Variants in HTR7 observed in about 807,000 individuals in gnomAD.
HTR7 encodes the protein 5-HT-7.
In HTR7, 16 loss-of-function variants were observed where a neutral mutation model predicts 34.0. The ratio of observed to expected loss-of-function variants is 0.47; its 90% CI spans 0.32 to 0.71. HTR7 has a LOEUF of 0.71. Ranked by LOEUF, HTR7 falls within the 30% of genes least tolerant of loss-of-function variation. The pLI is 0.04. For synonymous variants in HTR7, 265 were observed against 260.2 expected (o/e 1.02, Z -0.18); for missense variants, 504 against 625.5 (o/e 0.81, Z 2.07).
At chr10:90,815,683 C>T (rs578257301) in intron 1 of HTR7, among the ~76,000 whole-genome samples, 4 of 151,860 alleles carry the variant, frequency 2.6e-5, no homozygotes, top group Admixed American at 1.3e-4. Flanking sequence ...CGTTTACCTA[C>T]GTAACAAACC....
At chr10:90,810,444 T>C (rs1006068037) in intron 1 of HTR7, among the ~76,000 whole-genome samples, 28 of 152,268 alleles carry the variant, frequency 1.8e-4, no homozygotes, top group African/African-American at 4.8e-4. Context: ...TTAAAAAGAT[T>C]AAAGCCTGTT....
chr10:90,763,199 A>G (rs1844967455), intron 1 of HTR7, among the ~76,000 whole-genome samples: 1 of 152,140 alleles, frequency 6.6e-6, no homozygotes, highest in African/African-American at 2.4e-5. Context: ...TAGGAGTTGC[A>G]TTGAATTTGT....
At chr10:90,849,125 C>T (rs1846456522) in intron 1 of HTR7, among the ~76,000 whole-genome samples, 1 of 152,220 alleles carries the variant, frequency 6.6e-6, no homozygotes, top group Non-Finnish European at 1.5e-5. Context: ...TTTGTGGATT[C>T]TATAAATATT....
At chr10:90,766,435 CT>C (rs1179304584) in intron 1 of HTR7, among the ~76,000 whole-genome samples, 1 of 152,204 alleles carries the variant, frequency 6.6e-6, no homozygotes, top group Non-Finnish European at 1.5e-5. Context: ...TCAAGTGAGT[CT>C]CTTGTAGGCA....
intron 1 of HTR7, among the ~76,000 whole-genome samples, chr10:90,825,272 C>T (rs568187508): frequency 1.2e-3 from 177 of 152,310 alleles, no homozygotes; most frequent in African/African-American, 3.9e-3. Flanking sequence ...AGTCTGCAGG[C>T]TTATACCTCT....
At chr10:90,747,203 G>A (rs2119668992) in intron 2 of HTR7, among the ~76,000 whole-genome samples, 1 of 152,322 alleles carries the variant, frequency 6.6e-6, no homozygotes, top group African/African-American at 2.4e-5. Flanking sequence ...CATGTAGCGG[G>A]TGTTCAATAA....
rs2153778 is a variant in HTR7, at chr10:90,847,053, T to A, written c.539+10080A>T. ...GTTCCATGTCTCCACTTTTATTATTTTCCTTAGATATATTTACACACATAG... is the reference window on the plus strand; with the variant it reads ...GTTCCATGTCTCCACTTTTATTATTATCCTTAGATATATTTACACACATAG... On this transcript the variant is annotated intron_variant, in intron 1 of 3. Coordinates refer to ENST00000336152, the MANE Select transcript of HTR7 (RefSeq NM_019859.4). Among the ~76,000 whole-genome samples the A allele has an allele frequency of 4.3e-3, 648 of 152,314 alleles. 7 individuals carry two copies. Among genetic ancestry groups the A allele is most frequent in the Admixed American group, 0.032 (488 of 15,306 alleles).
At chr10:90,853,287 CTT>C (rs35477812) in intron 1 of HTR7, among the ~76,000 whole-genome samples, 28 of 110,030 alleles carry the variant, frequency 2.5e-4, no homozygotes, top group Non-Finnish European at 2.8e-4. Flanking sequence ...TTTTTTTTTT[CTT>C]TTTTTTTTTT....
At chr10:90,801,887 G>A (rs1282789653) in intron 1 of HTR7, among the ~76,000 whole-genome samples, 2 of 152,240 alleles carry the variant, frequency 1.3e-5, no homozygotes, top group East Asian at 1.9e-4. Context: ...GTCTTGGGGT[G>A]TAGTGACTCT....
At chr10:90,811,065 T>C (rs1189483049) in intron 1 of HTR7, among the ~76,000 whole-genome samples, 1 of 152,156 alleles carries the variant, frequency 6.6e-6, no homozygotes, top group Non-Finnish European at 1.5e-5. Flanking sequence ...CCACTCCTTT[T>C]TCCGTTCCTT....
At chr10:90,813,945 T>A (rs35449520) in intron 1 of HTR7, among the ~76,000 whole-genome samples, 41,937 of 151,984 alleles carry the variant, frequency 0.28, 6,321 homozygotes, top group African/African-American at 0.4. Flanking sequence ...CTCAAGCCTG[T>A]CTATAAAATC....
At chr10:90,756,782 T>C (rs577389874) in intron 1 of HTR7, among the ~76,000 whole-genome samples, 2 of 152,156 alleles carry the variant, frequency 1.3e-5, no homozygotes, top group South Asian at 4.2e-4. Flanking sequence ...TAACTGTTGC[T>C]ACATAACTAA....
rs1846592428 is a variant in HTR7 at position 90,857,076 on chromosome 10, G to T, written c.539+57C>A. ...CTCCCAGGAAAGGCGAGCGCGCGGG[G>T]CTGAGCTGCCAGCCGGTCCCCAGCC... is the stretch of plus-strand genomic sequence containing the variant. On this transcript the variant is annotated intron_variant, in intron 1 of 3. Coordinates refer to ENST00000336152, the MANE Select transcript of HTR7 (RefSeq NM_019859.4). This position sits in a 1 kb window ranked among gnomAD's most constrained non-coding sequence, Gnocchi z 6.5. 2.1e-6 allele frequency: 3 copies of T among 1,457,618 alleles called. No homozygotes were observed. Among genetic ancestry groups the T allele is most frequent in the African/African-American group, 1.4e-5 (1 of 70,476 alleles). The allele number at this position is 1,457,618 out of a possible 1,614,324, so 90.3% of individuals were successfully genotyped here. A position where few individuals can be genotyped will look rare whatever the true frequency, so the allele number is the denominator to read the frequency against.
intron 1 of HTR7, among the ~76,000 whole-genome samples, chr10:90,839,570 G>A (rs2120083241): frequency 6.6e-6 from 1 of 152,302 alleles, no homozygotes; most frequent in Admixed American, 6.5e-5. Flanking sequence ...AGGCCATGAT[G>A]AAAGTGATAA....
At chr10:90,779,112 A>G (rs1225879880) in intron 1 of HTR7, among the ~76,000 whole-genome samples, 1 of 152,148 alleles carries the variant, frequency 6.6e-6, no homozygotes, top group Non-Finnish European at 1.5e-5. Flanking sequence ...GATTTTAAAC[A>G]TGCCACTTCA....
At chr10:90,772,763 T>C (rs1243705600) in intron 1 of HTR7, among the ~76,000 whole-genome samples, 1 of 152,232 alleles carries the variant, frequency 6.6e-6, no homozygotes, top group East Asian at 1.9e-4. Context: ...AAATTAATTC[T>C]GCCTCATGTT....
At chr10:90,822,644 G>A (rs1042850918) in intron 1 of HTR7, among the ~76,000 whole-genome samples, 1 of 152,230 alleles carries the variant, frequency 6.6e-6, no homozygotes, top group Non-Finnish European at 1.5e-5. Context: ...AAGTAAAGAA[G>A]AGCCTGATGT....
chr10:90,773,989 A>T (rs1291241957), intron 1 of HTR7, among the ~76,000 whole-genome samples: 1 of 152,088 alleles, frequency 6.6e-6, no homozygotes, highest in Non-Finnish European at 1.5e-5. Flanking sequence ...CAACTATATG[A>T]CTGCTGACAT....
At chr10:90,795,421 A>T (rs1376274834) in intron 1 of HTR7, among the ~76,000 whole-genome samples, 4 of 152,196 alleles carry the variant, frequency 2.6e-5, no homozygotes, top group African/African-American at 9.7e-5. Flanking sequence ...TTCTAAGGAG[A>T]GTAATGACAG....
Sources: gnomAD v4.1 joint callset for allele counts (sites outside exome capture counted in the v4.1 genomes callset) on GRCh38, gnomAD v4.1.1 for gene constraint, Gnocchi (gnomAD v3.1) non-coding constraint, MANE v1.5 for transcripts, NCBI Gene and HGNC (gene_info 2026-07-23, HGNC 2026-07-21) for gene names.